ADAM12: variants seen among roughly 807,000 people sequenced by gnomAD.
ADAM12 encodes ADAM metallopeptidase domain 12.
A neutral mutation model predicts 106.4 loss-of-function variants in ADAM12; 70 were observed. The observed-to-expected ratio is 0.66, with a 90% CI of 0.54 to 0.80. The LOEUF is 0.80. Among genes scored for constraint, ADAM12 ranks in the 30% least tolerant of loss-of-function variants. The pLI is 0.00. For missense variants in ADAM12, 1,010 were observed against 1,171.9 expected, an observed-to-expected ratio of 0.86 and a Z score of 2.02; for synonymous variants, 420 against 433.5, an observed-to-expected ratio of 0.97 and a Z score of 0.39.
intron 2 of ADAM12, among the ~76,000 whole-genome samples, chr10:126,291,410 A>C (rs761835675): frequency 6.6e-6 from 1 of 152,230 alleles, no homozygotes; most frequent in Non-Finnish European, 1.5e-5. Flanking sequence ...AATGCAAACA[A>C]GTTTTTCTAT....
chr10:126,070,286 T>G (rs1205673872), intron 12 of ADAM12: 1 of 152,148 alleles, frequency 6.6e-6, no homozygotes, highest in African/African-American at 2.4e-5. Context: ...CTCCAGACAA[T>G]GTCATTATCA....
rs139742089 is a variant in ADAM12 at position 126,297,627 on chromosome 10, T to G, written c.187-18639A>C. Reference sequence around the variant, plus strand: ...AGTCATTAAGCTGATGGTACACAAATGGAGGGGTTTTGTTTCTGGTAATGA... The same window carrying G: ...AGTCATTAAGCTGATGGTACACAAAGGGAGGGGTTTTGTTTCTGGTAATGA... On this transcript the variant is annotated intron_variant, in intron 2 of 22. Transcript: ENST00000448723. Among the ~76,000 whole-genome samples the G allele has an allele frequency of 2.6e-5, 4 of 152,302 alleles. No individual in the cohort carries two copies. In the East Asian group the frequency reaches 7.7e-4, roughly 30 times the overall value.
At chr10:126,191,300 G>A (rs1957496561) in intron 3 of ADAM12, among the ~76,000 whole-genome samples, 1 of 151,972 alleles carries the variant, frequency 6.6e-6, no homozygotes, top group Non-Finnish European at 1.5e-5. Context: ...AGTCTATGAG[G>A]AGCCTTTATG....
At chr10:126,088,955 T>C (rs1008422995) in intron 11 of ADAM12, among the ~76,000 whole-genome samples, 1 of 150,986 alleles carries the variant, frequency 6.6e-6, no homozygotes, top group Non-Finnish European at 1.5e-5. Flanking sequence ...CTCAGCTTAA[T>C]GTGAATGATT....
chr10:126,288,736 G>C (rs575185071), intron 2 of ADAM12, among the ~76,000 whole-genome samples: 1 of 150,938 alleles, frequency 6.6e-6, no homozygotes, highest in South Asian at 2.1e-4. Flanking sequence ...CTAGGGACAG[G>C]ACCGTGTGGT....
intron 21 of ADAM12, among the ~76,000 whole-genome samples, chr10:126,032,634 A>T (rs756684006): frequency 2.0e-5 from 3 of 152,200 alleles, no homozygotes; most frequent in Non-Finnish European, 4.4e-5. Flanking sequence ...AATAAATAAA[A>T]AAGTTCAGGA....
At position 126,102,832 on chromosome 10, in the gene ADAM12, C is replaced by T. The variant is rs557372172; in HGVS notation, c.742-1591G>A. ...TCCGGGGCGAAAGTAAGTTCCTGGCCGGCTCTGGAACTCTGAATGCACATG... is the reference window on the plus strand; with the variant it reads ...TCCGGGGCGAAAGTAAGTTCCTGGCTGGCTCTGGAACTCTGAATGCACATG... On this transcript the variant is annotated intron_variant, in intron 8 of 22. Coordinates refer to ENST00000448723, the MANE Select transcript of ADAM12 (RefSeq NM_001288973.2). 2.6e-5 allele frequency among the ~76,000 whole-genome samples: 4 copies of T among 152,304 alleles called. No homozygotes were observed. The South Asian group carries it at 6.2e-4, about 24-fold the overall frequency.
intron 5 of ADAM12, among the ~76,000 whole-genome samples, chr10:126,120,428 G>A (rs1956063772): frequency 6.6e-6 from 1 of 152,162 alleles, no homozygotes; most frequent in South Asian, 2.1e-4. Context: ...GAATTCATTG[G>A]GCTGGAAGAA....
At chr10:126,221,906 C>A (rs369446562) in intron 3 of ADAM12, among the ~76,000 whole-genome samples, 12 of 152,178 alleles carry the variant, frequency 7.9e-5, no homozygotes, top group African/African-American at 2.7e-4. Flanking sequence ...CCAATGCTTC[C>A]CTCTAAACCA....
At chr10:126,159,307 C>CAAAAAAAAAAAA (rs3069557) in intron 3 of ADAM12, among the ~76,000 whole-genome samples, 22 of 80,596 alleles carry the variant, frequency 2.7e-4, no homozygotes, top group East Asian at 6.9e-4. Flanking sequence ...GAGACTCCAT[C>CAAAAAAAAAAAA]AAAAAAAAAA....
intron 2 of ADAM12, among the ~76,000 whole-genome samples, chr10:126,286,846 T>G (rs1175952152): frequency 6.6e-6 from 1 of 152,242 alleles, no homozygotes; most frequent in Non-Finnish European, 1.5e-5. Context: ...AACAACCTGT[T>G]AAAATGCTAT....
chr10:126,032,491 C>T (rs765065602), intron 21 of ADAM12, among the ~76,000 whole-genome samples: 10 of 152,062 alleles, frequency 6.6e-5, no homozygotes, highest in African/African-American at 9.7e-5. Flanking sequence ...AGGACTTTTT[C>T]GGGCCTGCTT....
chr10:126,294,519 C>T (rs1236622696), intron 2 of ADAM12, among the ~76,000 whole-genome samples: 1 of 152,070 alleles, frequency 6.6e-6, no homozygotes, highest in Non-Finnish European at 1.5e-5. Flanking sequence ...CAGGTTTCCT[C>T]CCTGTTCTGC....
intron 5 of ADAM12, 55 bp downstream of exon 5, chr10:126,135,529 G>A (rs1232094539): frequency 5.2e-6 from 8 of 1,523,904 alleles, no homozygotes; most frequent in Non-Finnish European, 7.3e-6. Context: ...AAAAGACAGA[G>A]GTTGCCTGCA....
intron 19 of ADAM12, 123 bp downstream of exon 19, chr10:126,039,171 T>G: frequency 1.7e-6 from 2 of 1,185,230 alleles, no homozygotes; most frequent in South Asian, 1.4e-5. Context: ...GTGGTCTCGA[T>G]CTCCTGACCT....
chr10:126,038,406 A>C, intron 19 of ADAM12, 57 bp from the exon 20 acceptor site: 1 of 1,355,098 alleles, frequency 7.4e-7, no homozygotes, highest in Non-Finnish European at 9.9e-7. Flanking sequence ...CACTGACTTG[A>C]CTTTTTACAC....
intron 16 of ADAM12, among the ~76,000 whole-genome samples, chr10:126,046,796 C>T (rs578074537): frequency 5.1e-4 from 54 of 106,930 alleles, no homozygotes; most frequent in Admixed American, 1.0e-3. Context: ...AGAGAGATTC[C>T]GTCTCAAAAA....
At chr10:126,051,584 TCCATCCAG>T (rs1180079956) in intron 14 of ADAM12, among the ~76,000 whole-genome samples, 127 of 122,300 alleles carry the variant, frequency 1.0e-3, no homozygotes, top group Middle Eastern at 4.5e-3. Flanking sequence ...CATCCATCCA[TCCATCCAG>T]CCAGCCAGCC....
intron 3 of ADAM12, among the ~76,000 whole-genome samples, chr10:126,162,394 A>T (rs1389593199): frequency 6.6e-6 from 1 of 152,072 alleles, no homozygotes; most frequent in Non-Finnish European, 1.5e-5. Context: ...CAACGCGCAG[A>T]GGGGAGGGGA....
Sources: allele counts gnomAD v4.1 joint callset (sites outside exome capture counted in the v4.1 genomes callset), GRCh38; gene constraint gnomAD v4.1.1; transcripts MANE v1.5; gene names NCBI Gene and HGNC (gene_info 2026-07-23, HGNC 2026-07-21).